Variants in TLE4 observed in about 807,000 individuals in gnomAD.
TLE4 encodes the protein TLE family member 4, transcriptional corepressor, also known as transducin-like enhancer protein 4.
In TLE4, 8 loss-of-function variants were observed where a neutral mutation model predicts 92.8. The observed-to-expected ratio is 0.09, with a 90% CI of 0.05 to 0.16. The LOEUF (loss-of-function observed/expected upper bound fraction) is 0.16. Among genes scored for constraint, TLE4 ranks in the 10% least tolerant of loss-of-function variants. TLE4 has a pLI of 1.00. For synonymous variants in TLE4, 371 were observed against 374.1 expected (o/e 0.99, Z 0.10); for missense variants, 675 against 997.6 (o/e 0.68, Z 4.36).
At chr9:79,715,696 T>G (rs1047987390) in intron 14 of TLE4, among the ~76,000 whole-genome samples, 1 of 152,148 alleles carries the variant, frequency 6.6e-6, no homozygotes, top group East Asian at 1.9e-4. Context: ...GCTGAGAGTC[T>G]TCCACTACCC....
intron 6 of TLE4, chr9:79,627,751 A>G (rs561086420): frequency 1.9e-5 from 6 of 320,376 alleles, no homozygotes; most frequent in Middle Eastern, 9.2e-4. Context: ...CAAAAAAAAA[A>G]AGAGATATAG....
At chr9:79,654,026 T>C in intron 7 of TLE4, 33 bp from the exon 8 acceptor site, 1 of 1,613,322 alleles carries the variant, frequency 6.2e-7, no homozygotes, top group Non-Finnish European at 8.5e-7. Flanking sequence ...CCCACCACTT[T>C]ATCTGCTTGT....
intron 14 of TLE4, among the ~76,000 whole-genome samples, chr9:79,718,300 ATC>A (rs2074968641): frequency 6.6e-6 from 1 of 152,148 alleles, no homozygotes; most frequent in African/African-American, 2.4e-5. Flanking sequence ...GAATGAATTG[ATC>A]TATAGGCGAG....
At chr9:79,626,406 T>C (rs140831865) in intron 5 of TLE4, among the ~76,000 whole-genome samples, 29 of 152,334 alleles carry the variant, frequency 1.9e-4, no homozygotes, top group African/African-American at 6.5e-4. Flanking sequence ...GGAGTACTTG[T>C]TTCACGGCGC....
intron 8 of TLE4, among the ~76,000 whole-genome samples, chr9:79,699,027 A>G (rs1459743404): frequency 6.6e-6 from 1 of 152,112 alleles, no homozygotes; most frequent in Admixed American, 6.6e-5. Flanking sequence ...TAGCTGGGTT[A>G]TGGTACAACA....
intron 4 of TLE4, among the ~76,000 whole-genome samples, chr9:79,585,466 C>G (rs1451844756): frequency 6.6e-6 from 1 of 152,200 alleles, no homozygotes; most frequent in Non-Finnish European, 1.5e-5. Context: ...TTGACTGATT[C>G]CGGAGCCTCA....
At chr9:79,573,155 T>G in intron 1 of TLE4, 4 of 813,698 alleles carry the variant, frequency 4.9e-6, no homozygotes, top group Non-Finnish European at 6.2e-6. Context: ...GAGGCGCGAC[T>G]CCGCGCCCGG....
chr9:79,652,817 C>G (rs2297499), intron 7 of TLE4, 23 bp downstream of exon 7: 991,814 of 1,610,218 alleles, frequency 0.62, 311,933 homozygotes, highest in East Asian at 0.71. Flanking sequence ...CTTGGAATGC[C>G]AATCTGAGAT....
intron 6 of TLE4, among the ~76,000 whole-genome samples, chr9:79,634,484 A>G (rs1434499960): frequency 6.6e-6 from 1 of 152,172 alleles, no homozygotes; most frequent in Admixed American, 6.5e-5. Context: ...GATATTCTCT[A>G]TTACATCAGA....
intron 11 of TLE4, 91 bp from the exon 12 acceptor site, chr9:79,708,027 T>C (rs534783302): frequency 1.5e-6 from 2 of 1,356,102 alleles, no homozygotes; most frequent in Non-Finnish European, 1.0e-6. Flanking sequence ...CCATTTCTTT[T>C]CCTCCTTTCC....
At chr9:79,713,279 A>G (rs1255344029) in intron 14 of TLE4, among the ~76,000 whole-genome samples, 2 of 152,230 alleles carry the variant, frequency 1.3e-5, no homozygotes, top group East Asian at 3.8e-4. Flanking sequence ...TGTCAAGATG[A>G]TAATCCATAT....
chr9:79,631,370 C>A (rs1311618414), intron 6 of TLE4, among the ~76,000 whole-genome samples: 2 of 152,156 alleles, frequency 1.3e-5, no homozygotes, highest in Non-Finnish European at 1.5e-5. Context: ...GGATTTAAAT[C>A]TCTTTCCTCT....
At chr9:79,625,884 A>G (rs1009946578) in intron 5 of TLE4, among the ~76,000 whole-genome samples, 1 of 149,334 alleles carries the variant, frequency 6.7e-6, no homozygotes, top group Non-Finnish European at 1.5e-5. Flanking sequence ...TTATATTTAT[A>G]TAAAATAAAT....
chr9:79,660,879 G>A (rs954689766), intron 8 of TLE4, among the ~76,000 whole-genome samples: 8 of 152,166 alleles, frequency 5.3e-5, no homozygotes, highest in Non-Finnish European at 8.8e-5. Context: ...ACCCTCCTCC[G>A]CCGATCGCTG....
At chr9:79,615,748 G>A (rs1258110059) in intron 5 of TLE4, among the ~76,000 whole-genome samples, 1 of 152,126 alleles carries the variant, frequency 6.6e-6, no homozygotes, top group Non-Finnish European at 1.5e-5. Context: ...AGTACTTGAA[G>A]TGTGTCTGTA....
chr9:79,608,398 T>C (rs527561888), intron 4 of TLE4, among the ~76,000 whole-genome samples: 2 of 152,210 alleles, frequency 1.3e-5, no homozygotes, highest in African/African-American at 4.8e-5. Context: ...GCAGTCTTTG[T>C]TCTCTAGTGG....
intron 4 of TLE4, among the ~76,000 whole-genome samples, chr9:79,586,556 C>G (rs1439834387): frequency 6.6e-6 from 1 of 152,182 alleles, no homozygotes; most frequent in South Asian, 2.1e-4. Context: ...TAAAGCGTGT[C>G]TGTAAACTGT....
intron 8 of TLE4, among the ~76,000 whole-genome samples, chr9:79,677,100 C>T (rs2063400641): frequency 1.3e-5 from 2 of 151,978 alleles, no homozygotes; most frequent in South Asian, 2.1e-4. Flanking sequence ...TCAGTTTTCC[C>T]CAACTAGATT....
rs74380672 is a variant in TLE4 at position 79,608,903 on chromosome 9, G to C, written c.253-3753G>C. On this transcript the variant is annotated intron_variant, in intron 4 of 19. Transcript: ENST00000376552. Reference sequence around the variant, plus strand: ...TCTTTTTAAGGAAATCATATAGGCTGAAATGATCTAAATAAAAATCAGATT... The same window carrying C: ...TCTTTTTAAGGAAATCATATAGGCTCAAATGATCTAAATAAAAATCAGATT... Among the ~76,000 whole-genome samples the C allele has an allele frequency of 4.3e-3, 660 of 152,102 alleles. 6 individuals are homozygous for C. The highest frequency in any genetic ancestry group is 0.015 in the African/African-American group (632 of 41,530).
Sources: allele counts gnomAD v4.1 joint callset (sites outside exome capture counted in the v4.1 genomes callset), GRCh38; gene constraint gnomAD v4.1.1; transcripts MANE v1.5; gene names NCBI Gene and HGNC (gene_info 2026-07-23, HGNC 2026-07-21).